C11orf65: variants seen among roughly 807,000 people sequenced by gnomAD.
C11orf65 encodes the protein chromosome 11 open reading frame 65, also known as protein MFI.
C11orf65 carries 38 observed loss-of-function variants against 35.3 expected under a neutral mutation model. The observed-to-expected ratio is 1.08, with a 90% CI of 0.83 to 1.41. C11orf65 has a LOEUF of 1.41. C11orf65 is among the 40% of genes most tolerant of loss of function. The pLI, the probability that C11orf65 is intolerant of heterozygous loss-of-function variation, is 0.00. For synonymous variants in C11orf65, 105 were observed against 114.4 expected (o/e 0.92, Z 0.53); for missense variants, 370 against 367.1 (o/e 1.01, Z -0.06).
intron 7 of C11orf65, among the ~76,000 whole-genome samples, chr11:108,387,912 C>A (rs1006237237): frequency 6.6e-6 from 1 of 152,192 alleles, no homozygotes; most frequent in South Asian, 2.1e-4. Context: ...GCTCTGCGAA[C>A]TTTCTTCAAT....
At chr11:108,363,922 T>C (rs1335039797) in intron 2 of C11orf65, among the ~76,000 whole-genome samples, 1 of 152,166 alleles carries the variant, frequency 6.6e-6, no homozygotes, top group African/African-American at 2.4e-5. Context: ...TAATAAAATA[T>C]ATTAATATTT....
chr11:108,443,433 A>G (rs1341233496), intron 2 of C11orf65, among the ~76,000 whole-genome samples: 1 of 152,184 alleles, frequency 6.6e-6, no homozygotes, highest in Non-Finnish European at 1.5e-5. Flanking sequence ...GAAGGTTAAC[A>G]AGGATATCCA....
chr11:108,319,552 T>C (rs895944113), intron 6 of C11orf65, among the ~76,000 whole-genome samples: 1 of 152,246 alleles, frequency 6.6e-6, no homozygotes, highest in Non-Finnish European at 1.5e-5. Flanking sequence ...TACCCTGTTT[T>C]AATTCTCTGC....
intron 6 of C11orf65, among the ~76,000 whole-genome samples, chr11:108,397,119 G>T (rs2092330501): frequency 6.6e-6 from 1 of 151,784 alleles, no homozygotes; most frequent in South Asian, 2.1e-4. Context: ...TCAGGAGTTT[G>T]AGGCTGGCCT....
chr11:108,327,578 C>A (rs1229140378), downstream of C11orf65: 20 of 1,316,618 alleles, frequency 1.5e-5, no homozygotes, highest in East Asian at 4.6e-4. Flanking sequence ...TTTCCCCGTA[C>A]ATGAAGGGCA....
intron 3 of C11orf65, among the ~76,000 whole-genome samples, chr11:108,410,571 T>C (rs188463766): frequency 6.6e-6 from 1 of 152,202 alleles, no homozygotes; most frequent in African/African-American, 2.4e-5. Context: ...CCCAGGCTGG[T>C]CTCAAACTCC....
chr11:108,450,935 C>T (rs1044865257), intron 2 of C11orf65, among the ~76,000 whole-genome samples: 7 of 151,656 alleles, frequency 4.6e-5, no homozygotes, highest in Admixed American at 3.9e-4. Context: ...GATGCAGAAA[C>T]GGCCTTCAAT....
At chr11:108,376,805 C>T (rs1250411647) in intron 2 of C11orf65, among the ~76,000 whole-genome samples, 2 of 151,756 alleles carry the variant, frequency 1.3e-5, no homozygotes, top group African/African-American at 2.4e-5. Flanking sequence ...GATATCACCA[C>T]CGATCCCACA....
intron 2 of C11orf65, among the ~76,000 whole-genome samples, chr11:108,359,622 A>G (rs1487588718): frequency 6.6e-6 from 1 of 152,254 alleles, no homozygotes; most frequent in African/African-American, 2.4e-5. Flanking sequence ...ACATCAAACT[A>G]GAACTCAGGA....
intron 2 of C11orf65, among the ~76,000 whole-genome samples, chr11:108,444,724 T>G (rs913933592): frequency 6.6e-6 from 1 of 152,052 alleles, no homozygotes; most frequent in African/African-American, 2.4e-5. Context: ...AGGTACCAGG[T>G]TCATCTCACT....
intron 2 of C11orf65, among the ~76,000 whole-genome samples, chr11:108,454,182 T>A (rs2093385110): frequency 6.6e-6 from 1 of 152,190 alleles, no homozygotes; most frequent in South Asian, 2.1e-4. Context: ...CCATTTCTTC[T>A]AAGTTATCCT....
chr11:108,377,271 G>A (rs570376739), intron 2 of C11orf65, among the ~76,000 whole-genome samples: 1 of 152,210 alleles, frequency 6.6e-6, no homozygotes, highest in South Asian at 2.1e-4. Flanking sequence ...ACATCAAAAA[G>A]CCTATCCACC....
At chr11:108,348,818 TAGG>T (rs144024752) in intron 2 of C11orf65, among the ~76,000 whole-genome samples, 8,690 of 152,202 alleles carry the variant, frequency 0.057, 789 homozygotes, top group African/African-American at 0.19. Flanking sequence ...TTTATTGAAG[TAGG>T]AGAATTCTCT....
At chr11:108,457,064 T>C (rs1444778231) in intron 2 of C11orf65, among the ~76,000 whole-genome samples, 1 of 152,112 alleles carries the variant, frequency 6.6e-6, no homozygotes. Context: ...TACTTTGTTC[T>C]CATCATATAT....
In C11orf65 at chr11:108,448,325, C is replaced by G. The variant is rs546374252; in HGVS notation, c.81+13154G>C. 4.6e-5 allele frequency among the ~76,000 whole-genome samples: 7 copies of G among 152,234 alleles called. No individual in the cohort carries two copies. In the South Asian group the frequency reaches 1.5e-3, roughly 32 times the overall value. On this transcript the variant is annotated intron_variant, in intron 2 of 8. Coordinates refer to ENST00000393084, the MANE Select transcript of C11orf65 (RefSeq NM_152587.5). ...CTGATACGAAAGCCAGGCAGAGACACAACCGAAAAAGAGAATTTTAGGCCA... is the reference window on the plus strand; with the variant it reads ...CTGATACGAAAGCCAGGCAGAGACAGAACCGAAAAAGAGAATTTTAGGCCA...
intron 6 of C11orf65, among the ~76,000 whole-genome samples, chr11:108,309,945 G>C (rs1050929838): frequency 2.6e-5 from 4 of 151,980 alleles, no homozygotes; most frequent in African/African-American, 9.7e-5. Context: ...TGATAGGTTT[G>C]AGGGAAAAAA....
intron 6 of C11orf65, among the ~76,000 whole-genome samples, chr11:108,312,202 T>A (rs190413547): frequency 2.7e-3 from 406 of 152,338 alleles, no homozygotes; most frequent in South Asian, 7.0e-3. Flanking sequence ...AGGCTTCCCA[T>A]ATGTAGATTA....
intron 2 of C11orf65, among the ~76,000 whole-genome samples, chr11:108,341,200 A>G (rs1042501205): frequency 4.0e-5 from 6 of 151,770 alleles, no homozygotes; most frequent in African/African-American, 1.5e-4. Flanking sequence ...TAGACACACC[A>G]ATTTGTTTCT....
intron 2 of C11orf65, chr11:108,343,205 T>A (rs2136938053): frequency 6.2e-7 from 1 of 1,613,874 alleles, no homozygotes. Context: ...TAAAAGGTAT[T>A]TAATCTGTAA....
Sources: allele counts gnomAD v4.1 joint callset (sites outside exome capture counted in the v4.1 genomes callset), GRCh38; gene constraint gnomAD v4.1.1; transcripts MANE v1.5; gene names NCBI Gene and HGNC (gene_info 2026-07-23, HGNC 2026-07-21).